The following KATNAL2 variants were observed in gnomAD, a reference collection of about 807,000 sequenced individuals.
KATNAL2 encodes the protein katanin p60 ATPase-containing subunit A-like 2.
A neutral mutation model predicts 76.3 loss-of-function variants in KATNAL2; 52 were observed. The ratio of observed to expected loss-of-function variants is 0.68; its 90% CI spans 0.55 to 0.86. The LOEUF (loss-of-function observed/expected upper bound fraction) is 0.86, where lower values mean the gene tolerates loss of function less well. Among genes scored for constraint, KATNAL2 ranks in the 40% least tolerant of loss-of-function variants. The probability of loss-of-function intolerance (pLI) is 0.00; values close to 1 mark genes in which losing one functional copy is unlikely to be tolerated. For missense variants in KATNAL2, 660 were observed against 668.9 expected (o/e 0.99, Z 0.15); for synonymous variants, 243 against 244.2 (o/e 1.00, Z 0.05).
At chr18:47,059,078 G>T (rs1442236329) in intron 7 of KATNAL2, among the ~76,000 whole-genome samples, 1 of 152,182 alleles carries the variant, frequency 6.6e-6, no homozygotes, top group Non-Finnish European at 1.5e-5. Context: ...TATCCGATTG[G>T]TCAAAAGGAT....
chr18:47,039,485 A>T (rs1270814765), intron 3 of KATNAL2, among the ~76,000 whole-genome samples: 1 of 151,984 alleles, frequency 6.6e-6, no homozygotes, highest in Admixed American at 6.6e-5. Flanking sequence ...TTCCTCTAAT[A>T]AATCTAATGA....
intron 1 of KATNAL2, among the ~76,000 whole-genome samples, chr18:46,933,470 A>G (rs2058994796): frequency 6.6e-6 from 1 of 152,158 alleles, no homozygotes; most frequent in Non-Finnish European, 1.5e-5. Context: ...GAGGTAGGTC[A>G]GCACTTCCAC....
chr18:47,090,636 A>C (rs1485394173), intron 15 of KATNAL2, among the ~76,000 whole-genome samples: 2 of 152,078 alleles, frequency 1.3e-5, no homozygotes, highest in African/African-American at 4.8e-5. Flanking sequence ...GCAATTTCTG[A>C]TGACATATAG....
intron 1 of KATNAL2, among the ~76,000 whole-genome samples, chr18:46,929,777 T>C (rs2058848955): frequency 6.6e-6 from 1 of 152,148 alleles, no homozygotes; most frequent in Admixed American, 6.6e-5. Context: ...AAATTTTTTA[T>C]TTATTTATTT....
At chr18:47,061,661 T>G (rs1379006917) in intron 8 of KATNAL2, among the ~76,000 whole-genome samples, 1 of 152,160 alleles carries the variant, frequency 6.6e-6, no homozygotes, top group African/African-American at 2.4e-5. Context: ...CCTGTCTAGA[T>G]TCAAAACCTG....
chr18:47,070,249 A>G (rs1049503714), intron 13 of KATNAL2, among the ~76,000 whole-genome samples: 13 of 151,672 alleles, frequency 8.6e-5, no homozygotes, highest in African/African-American at 3.1e-4. Flanking sequence ...GGTGCCTGCC[A>G]CCACGCCCAG....
chr18:47,094,861 A>G (rs1441412779), intron 15 of KATNAL2, among the ~76,000 whole-genome samples: 1 of 152,172 alleles, frequency 6.6e-6, no homozygotes, highest in African/African-American at 2.4e-5. Context: ...CTACCAAGGT[A>G]TGGGAGAGGC....
At chr18:47,044,914 A>G (rs2061104003) in intron 3 of KATNAL2, among the ~76,000 whole-genome samples, 1 of 152,150 alleles carries the variant, frequency 6.6e-6, no homozygotes, top group Admixed American at 6.5e-5. Context: ...TGAGACTCTC[A>G]TCTCTACAAA....
chr18:47,062,217 C>CA (rs538202303), intron 8 of KATNAL2, among the ~76,000 whole-genome samples: 1 of 151,646 alleles, frequency 6.6e-6, no homozygotes, highest in Non-Finnish European at 1.5e-5. Context: ...CCCACTTCTG[C>CA]AAAAAAAATT....
chr18:46,957,528 A>C (rs1378699264), intron 3 of KATNAL2, among the ~76,000 whole-genome samples: 2 of 141,856 alleles, frequency 1.4e-5, no homozygotes, highest in Non-Finnish European at 3.0e-5. Flanking sequence ...TGCTGGGATT[A>C]CAGGCGTGAA....
chr18:46,951,264 G>A (rs1361833727), intron 3 of KATNAL2, among the ~76,000 whole-genome samples: 1 of 151,998 alleles, frequency 6.6e-6, no homozygotes, highest in Non-Finnish European at 1.5e-5. Context: ...TTTAACTTTT[G>A]GGACAAGACT....
At chr18:46,918,802 T>C (rs2058306404) in intron 1 of KATNAL2, among the ~76,000 whole-genome samples, 1 of 152,134 alleles carries the variant, frequency 6.6e-6, no homozygotes, top group Non-Finnish European at 1.5e-5. Flanking sequence ...TCCTAACTCC[T>C]GTTCATCCTT....
At chr18:46,919,516 G>A (rs1486069827) in intron 1 of KATNAL2, among the ~76,000 whole-genome samples, 2 of 151,674 alleles carry the variant, frequency 1.3e-5, no homozygotes, top group Non-Finnish European at 1.5e-5. Flanking sequence ...GGGTGTGGTG[G>A]CACATGCCTG....
At chr18:46,936,073 T>G (rs1346608884) in intron 1 of KATNAL2, among the ~76,000 whole-genome samples, 1 of 152,152 alleles carries the variant, frequency 6.6e-6, no homozygotes, top group Non-Finnish European at 1.5e-5. Context: ...ATGGCCTCAG[T>G]GTATGATACA....
intron 3 of KATNAL2, chr18:47,035,713 C>G (rs1208261344): frequency 4.3e-6 from 1 of 234,662 alleles, no homozygotes; most frequent in Non-Finnish European, 9.0e-6. Flanking sequence ...CTGCTGTGCC[C>G]CAGAGGTTGA....
intron 3 of KATNAL2, among the ~76,000 whole-genome samples, chr18:46,961,185 T>C (rs1599483131): frequency 6.6e-6 from 1 of 152,018 alleles, no homozygotes; most frequent in Non-Finnish European, 1.5e-5. Flanking sequence ...GACCAGGTGG[T>C]GGCTCCAGGC....
At chr18:47,033,330 T>A in intron 3 of KATNAL2, 1 of 1,613,868 alleles carries the variant, frequency 6.2e-7, no homozygotes, top group Non-Finnish European at 8.5e-7. Flanking sequence ...TGGCCACAGA[T>A]TTGAAACAGA....
intron 3 of KATNAL2, among the ~76,000 whole-genome samples, chr18:46,951,122 T>C (rs1266855641): frequency 6.6e-6 from 1 of 152,182 alleles, no homozygotes; most frequent in Non-Finnish European, 1.5e-5. Context: ...CCTTCCCTCA[T>C]TCTCTCAACA....
At chr18:47,090,597 A>G (rs562133636) in intron 15 of KATNAL2, among the ~76,000 whole-genome samples, 5 of 152,200 alleles carry the variant, frequency 3.3e-5, no homozygotes, top group African/African-American at 4.8e-5. Flanking sequence ...ACAGACAATA[A>G]TAAGAATAAA....
Sources: gnomAD v4.1 joint callset for allele counts (sites outside exome capture counted in the v4.1 genomes callset) on GRCh38, gnomAD v4.1.1 for gene constraint, MANE v1.5 for transcripts, NCBI Gene and HGNC (gene_info 2026-07-23, HGNC 2026-07-21) for gene names.